The following AUNIP variants were observed in gnomAD, a reference collection of about 807,000 sequenced individuals.
AUNIP encodes aurora kinase A and ninein interacting protein.
Under a neutral mutation model 12.2 loss-of-function variants are expected in AUNIP, and 16 were observed. The observed-to-expected ratio is 1.31, with a 90% CI of 0.88 to 1.99. The LOEUF is 1.99. Ranked by LOEUF, AUNIP falls within the 30% of genes most tolerant of loss-of-function variation. The probability of loss-of-function intolerance (pLI) is 0.00; values close to 1 mark genes in which losing one functional copy is unlikely to be tolerated. For synonymous variants in AUNIP, 142 were observed against 154.8 expected (o/e 0.92, Z 0.61); for missense variants, 411 against 419.1 (o/e 0.98, Z 0.17).
At chr1:25,857,219 G>A (rs1359182126) in intron 1 of AUNIP, among the ~76,000 whole-genome samples, 2 of 151,620 alleles carry the variant, frequency 1.3e-5, no homozygotes, top group African/African-American at 4.8e-5. Context: ...CTAATTCAAG[G>A]AGTAATAAAT....
chr1:25,840,857 T>A (rs2048342953), intron 1 of AUNIP, among the ~76,000 whole-genome samples: 1 of 152,180 alleles, frequency 6.6e-6, no homozygotes, highest in African/African-American at 2.4e-5. Flanking sequence ...AACAAATATT[T>A]GAGTACCTAT....
At chr1:25,833,404 C>T (rs878943452), downstream of AUNIP, among the ~76,000 whole-genome samples, 1 of 152,142 alleles carries the variant, frequency 6.6e-6, no homozygotes, top group South Asian at 2.1e-4. Flanking sequence ...ACATGAGCCA[C>T]CGCACTAAGC....
chr1:25,839,249 G>A (rs2048332141), intron 1 of AUNIP, among the ~76,000 whole-genome samples: 1 of 152,232 alleles, frequency 6.6e-6, no homozygotes, highest in African/African-American at 2.4e-5. Flanking sequence ...TGAGTAGACT[G>A]AGATTGGAAT....
intron 1 of AUNIP, among the ~76,000 whole-genome samples, chr1:25,853,849 A>T (rs530991918): frequency 6.6e-6 from 1 of 152,182 alleles, no homozygotes; most frequent in Non-Finnish European, 1.5e-5. Context: ...CAATCAAAAG[A>T]GGTCACAAAG....
intron 1 of AUNIP, among the ~76,000 whole-genome samples, chr1:25,853,784 T>C (rs1210920599): frequency 2.6e-5 from 4 of 152,152 alleles, no homozygotes; most frequent in African/African-American, 7.2e-5. Flanking sequence ...CTCACTAACA[T>C]GGCTGTTAAC....
At position 25,835,376 on chromosome 1, in the gene AUNIP, A is replaced by G. The variant is rs1557448977; in HGVS notation, c.691T>C (p.Leu231=). The change falls in exon 3 of 3, where the codon TTG becomes CTG. Residue 231 remains leucine (L), a synonymous_variant. Transcript: ENST00000374298. ...KCCQPLGKTK[L]ERKVSAKENR... ...TCTTTGGCAGACACCTTTCTTTCCA[A>G]TTTAGTCTTGCCTAAGGGCTGACAG... 4 of 1,614,232 alleles carry G rather than the reference A, an allele frequency of 2.5e-6. No homozygotes were observed. The highest frequency in any genetic ancestry group is 3.4e-6 in the Non-Finnish European group (4 of 1,180,042).
Position 25,835,363 on chromosome 1 carries a change from AC to A in AUNIP, c.703del (p.Val235CysfsTer25), listed in dbSNP as rs765877124. The A allele has an allele frequency of 3.9e-4, 628 of 1,614,164 alleles. No homozygotes were observed. The highest frequency in any genetic ancestry group is 5.1e-4 in the Non-Finnish European group (602 of 1,180,030). ...GGCCTGCCTGTTTTCTTTGGCAGAC[AC>A]CTTTCTTTCCAATTTAGTCTTGCCT... Reference protein sequence around the residue: ...PLGKTKLERKVSAKENRQAPV... With the variant: ...PLGKTKLERKXSAKENRQAPV... On this transcript the variant is annotated frameshift_variant, in exon 3 of 3. Transcript: ENST00000374298. LOFTEE classifies it low-confidence loss of function (END_TRUNC).
chr1:25,832,093 G>A (rs757518015), downstream of AUNIP: 17 of 1,611,776 alleles, frequency 1.1e-5, no homozygotes, highest in South Asian at 2.2e-5. Flanking sequence ...CTTCCTCACC[G>A]CAGATGTTTC....
At chr1:25,848,882 A>T (rs1267572609) in intron 1 of AUNIP, among the ~76,000 whole-genome samples, 14 of 152,236 alleles carry the variant, frequency 9.2e-5, no homozygotes, top group African/African-American at 3.1e-4. Context: ...GGACACCGGA[A>T]GATTTAGGCT....
intron 1 of AUNIP, among the ~76,000 whole-genome samples, chr1:25,857,828 A>G (rs1355798229): frequency 6.6e-6 from 1 of 151,494 alleles, no homozygotes; most frequent in Non-Finnish European, 1.5e-5. Flanking sequence ...GCGCCACTGC[A>G]CTCCAGCACG....
chr1:25,852,480 A>T, intron 1 of AUNIP, among the ~76,000 whole-genome samples: 1 of 137,542 alleles, frequency 7.3e-6, no homozygotes. Context: ...TTTTTGAGAC[A>T]GGAGTTTCAC....
At chr1:25,856,989 G>A (rs1021979562) in intron 1 of AUNIP, among the ~76,000 whole-genome samples, 1 of 151,948 alleles carries the variant, frequency 6.6e-6, no homozygotes, top group Non-Finnish European at 1.5e-5. Flanking sequence ...GTGGCACTAT[G>A]CCTGTAGTCC....
In AUNIP at chr1:25,837,487, T is replaced by C. The variant is rs369345765; in HGVS notation, c.146A>G (p.Tyr49Cys). 1.5e-5 allele frequency: 24 copies of C among 1,613,860 alleles called. No homozygotes were observed. The African/African-American group carries it at 3.2e-4, about 22-fold the overall frequency. Reference protein sequence around the residue: ...LLPGERKANIYFTQRRAPSTG... With the variant: ...LLPGERKANICFTQRRAPSTG... Reference sequence around the variant, plus strand: ...AGATGGAGCTCTTCTTTGAGTAAAATAAATATTAGCCTTTCTTTCTCCAGG... The same window carrying C: ...AGATGGAGCTCTTCTTTGAGTAAAACAAATATTAGCCTTTCTTTCTCCAGG... Residue 49 changes from tyrosine to cysteine, a missense_variant, in exon 2 of 3, where the codon TAT becomes TGT. By Grantham distance (194) the Tyr-to-Cys change is radical. Transcript: ENST00000374298.
chr1:25,832,840 G>GACTC (rs1436302987), downstream of AUNIP: 1 of 153,882 alleles, frequency 6.5e-6, no homozygotes, highest in Non-Finnish European at 1.4e-5. Context: ...CACCATGCAT[G>GACTC]ACTCAGATGC....
chr1:25,836,806 G>C (rs2048306520), intron 2 of AUNIP, among the ~76,000 whole-genome samples: 1 of 151,982 alleles, frequency 6.6e-6, no homozygotes, highest in Non-Finnish European at 1.5e-5. Context: ...CATTTTGAAG[G>C]TTTAGGCAAA....
chr1:25,856,798 T>G (rs980867525), intron 1 of AUNIP, among the ~76,000 whole-genome samples: 1 of 151,958 alleles, frequency 6.6e-6, no homozygotes, highest in Non-Finnish European at 1.5e-5. Context: ...CTAATTCTAT[T>G]TCTGTTCTCT....
At chr1:25,844,939 A>T (rs2048371805) in intron 1 of AUNIP, among the ~76,000 whole-genome samples, 1 of 152,208 alleles carries the variant, frequency 6.6e-6, no homozygotes, top group African/African-American at 2.4e-5. Flanking sequence ...TGAAAGGATG[A>T]CGCTACCTCA....
downstream of AUNIP, chr1:25,832,264 T>C (rs2048255439): frequency 8.1e-7 from 1 of 1,231,948 alleles, no homozygotes; most frequent in Non-Finnish European, 1.1e-6. Flanking sequence ...TCGTGTAGAA[T>C]GAAGTATCTT....
intron 1 of AUNIP, among the ~76,000 whole-genome samples, chr1:25,853,402 G>A (rs1299569483): frequency 3.9e-5 from 6 of 152,070 alleles, no homozygotes; most frequent in African/African-American, 7.2e-5. Context: ...TTTGAGAACA[G>A]CCTGACCAAC....
Sources: allele counts gnomAD v4.1 joint callset (sites outside exome capture counted in the v4.1 genomes callset), GRCh38; gene constraint gnomAD v4.1.1; transcripts MANE v1.5; gene names NCBI Gene and HGNC (gene_info 2026-07-23, HGNC 2026-07-21).